PCDHA13: variants seen among roughly 807,000 people sequenced by gnomAD.
PCDHA13 encodes the protein protocadherin alpha 13, also known as protocadherin alpha-13.
PCDHA13 carries 54 observed loss-of-function variants against 64.8 expected under a neutral mutation model. That is an observed-to-expected ratio of 0.83 (90% CI 0.67 to 1.04). PCDHA13 has a LOEUF of 1.04. Among genes scored for constraint, PCDHA13 ranks in the 50% least tolerant of loss-of-function variants. The probability of loss-of-function intolerance (pLI) is 0.00; values close to 1 mark genes in which losing one functional copy is unlikely to be tolerated. For missense variants in PCDHA13, 1,248 were observed against 1,254.3 expected (o/e 0.99, Z 0.08); for synonymous variants, 587 against 564.4 (o/e 1.04, Z -0.57).
At chr5:141,004,698 T>C (rs2098177351) in intron 3 of PCDHA13, among the ~76,000 whole-genome samples, 1 of 152,222 alleles carries the variant, frequency 6.6e-6, no homozygotes, top group East Asian at 1.9e-4. Context: ...AACCCAGTTT[T>C]AGGTGCCGAA....
chr5:140,948,150 T>C (rs1477987526), intron 1 of PCDHA13, among the ~76,000 whole-genome samples: 2 of 151,642 alleles, frequency 1.3e-5, no homozygotes, highest in Non-Finnish European at 3.0e-5. Flanking sequence ...TTTTTGAATG[T>C]TGGAAAAAAC....
In PCDHA13 at chr5:140,927,058, C is replaced by G. The variant is rs376173105; in HGVS notation, c.2394+42396C>G. ...GGCCGCTATGTCCTCGCGGAACTTT[C>G]GCTTCCTTTCCAGCCACCGCGAGCT... On this transcript the variant is annotated intron_variant, in intron 1 of 3. Coordinates refer to ENST00000289272, the MANE Select transcript of PCDHA13 (RefSeq NM_018904.3). 17 of 1,611,136 alleles carry G rather than the reference C, an allele frequency of 1.1e-5. No homozygotes were observed. The South Asian group carries it at 1.2e-4, about 11-fold the overall frequency.
At chr5:140,940,667 T>A (rs1167360120) in intron 1 of PCDHA13, among the ~76,000 whole-genome samples, 5 of 152,224 alleles carry the variant, frequency 3.3e-5, no homozygotes, top group African/African-American at 1.2e-4. Context: ...TAAATCTTCA[T>A]CTGATAATTC....
chr5:140,937,322 C>T (rs2091472402), intron 1 of PCDHA13, among the ~76,000 whole-genome samples: 1 of 152,084 alleles, frequency 6.6e-6, no homozygotes, highest in Non-Finnish European at 1.5e-5. Context: ...CAGGCGTGAG[C>T]CACCGCGCCC....
chr5:140,897,946 T>G (rs1311278458), intron 1 of PCDHA13, among the ~76,000 whole-genome samples: 1 of 152,276 alleles, frequency 6.6e-6, no homozygotes, highest in African/African-American at 2.4e-5. Context: ...CCAGTGATGA[T>G]TAGCATTTTT....
rs2059340057 is a variant in PCDHA13 at position 140,882,864 on chromosome 5, C to T, written c.596C>T (p.Thr199Ile). The part of the protein sequence containing the change: ...MSSLSLVLRK[T>I]LDREEIQEHS... ...TCATTATCACTTGTACTGAGGAAAA[C>T]ACTGGACAGAGAGGAAATTCAGGAA... Residue 199 changes from threonine (T) to isoleucine (I), a missense_variant, in exon 1 of 4, where the codon ACA (threonine) becomes ATA (isoleucine). Thr to Ile is a moderately conservative substitution (Grantham distance 89). Transcript: ENST00000289272. The T allele has an allele frequency of 6.2e-7, 1 of 1,614,200 alleles. No individual in the cohort carries two copies. Among genetic ancestry groups the T allele is most frequent in the East Asian group, 2.2e-5 (1 of 44,882 alleles).
At chr5:140,891,681 C>T (rs1021117286) in intron 1 of PCDHA13, among the ~76,000 whole-genome samples, 1 of 152,150 alleles carries the variant, frequency 6.6e-6, no homozygotes, top group African/African-American at 2.4e-5. Flanking sequence ...TAATAATTCT[C>T]TCTTCTTGCT....
intron 3 of PCDHA13, among the ~76,000 whole-genome samples, chr5:141,008,980 A>C (rs533099581): frequency 6.6e-6 from 1 of 152,374 alleles, no homozygotes; most frequent in African/African-American, 2.4e-5. Context: ...GCCAAAGTTT[A>C]ATCTAGACAC....
chr5:140,985,465 A>T (rs1195143465), intron 3 of PCDHA13, among the ~76,000 whole-genome samples: 1 of 152,126 alleles, frequency 6.6e-6, no homozygotes, highest in Non-Finnish European at 1.5e-5. Flanking sequence ...TGCTCCAAAA[A>T]ATTTGGTTGT....
At chr5:140,922,150 T>C (rs999486530) in intron 1 of PCDHA13, among the ~76,000 whole-genome samples, 5 of 151,298 alleles carry the variant, frequency 3.3e-5, no homozygotes, top group African/African-American at 1.2e-4. Flanking sequence ...ATGAAACTCA[T>C]CAAAAACAAC....
intron 3 of PCDHA13, among the ~76,000 whole-genome samples, chr5:141,004,019 A>G (rs2098147783): frequency 6.6e-6 from 1 of 152,244 alleles, no homozygotes; most frequent in South Asian, 2.1e-4. Flanking sequence ...CACTGAAAGA[A>G]GAAACATTTC....
Position 140,883,641 on chromosome 5 carries a change from C to T in PCDHA13, c.1373C>T (p.Pro458Leu), listed in dbSNP as rs1427282306. The change falls in exon 1 of 4, where the codon CCC (proline) becomes CTC (leucine). Residue 458 changes from proline (P) to leucine (L), a missense_variant. By Grantham distance (98) the Pro-to-Leu change is moderately conservative. Coordinates refer to ENST00000289272, the MANE Select transcript of PCDHA13 (RefSeq NM_018904.3). ...GACAACGCGCCGGCGTTCGCGCAGC[C>T]CGAGTACACGGTGTTCGTGAAGGAA... is the stretch of plus-strand genomic sequence containing the variant. Reference protein sequence around the residue: ...VNDNAPAFAQPEYTVFVKENN... With the variant: ...VNDNAPAFAQLEYTVFVKENN... 3.7e-6 allele frequency: 6 copies of T among 1,613,840 alleles called. No homozygotes were observed. In the Admixed American group the frequency reaches 6.7e-5, roughly 18 times the overall value.
intron 1 of PCDHA13, among the ~76,000 whole-genome samples, chr5:140,921,468 C>T (rs886501347): frequency 3.3e-5 from 5 of 152,182 alleles, no homozygotes; most frequent in African/African-American, 1.2e-4. Flanking sequence ...GCAACCACTA[C>T]CAAACCACTC....
intron 1 of PCDHA13, among the ~76,000 whole-genome samples, chr5:140,936,711 A>G (rs2091105126): frequency 6.6e-6 from 1 of 152,212 alleles, no homozygotes; most frequent in African/African-American, 2.4e-5. Flanking sequence ...TCTTGTGCCA[A>G]TACATTCTGT....
At chr5:140,966,860 T>TTGC (rs148181752) in intron 1 of PCDHA13, 11 of 1,577,372 alleles carry the variant, frequency 7.0e-6, no homozygotes, top group Non-Finnish European at 9.4e-6. Flanking sequence ...CCTGCTGCTG[T>TTGC]TGCTGCTGCT....
At chr5:140,926,908 G>C (rs950305439) in intron 1 of PCDHA13, 2 of 1,560,316 alleles carry the variant, frequency 1.3e-6, no homozygotes, top group Admixed American at 1.8e-5. Flanking sequence ...GGGCTGTGGG[G>C]TGGCAGTTTT....
intron 1 of PCDHA13, among the ~76,000 whole-genome samples, chr5:140,943,822 A>T (rs2093570990): frequency 6.6e-6 from 1 of 152,220 alleles, no homozygotes; most frequent in Non-Finnish European, 1.5e-5. Context: ...GAAGAAAATG[A>T]GTTGATTGAA....
chr5:140,934,705 C>T (rs1235956763), intron 1 of PCDHA13, among the ~76,000 whole-genome samples: 8 of 152,132 alleles, frequency 5.3e-5, no homozygotes, highest in African/African-American at 1.9e-4. Flanking sequence ...TCCTGGCCAT[C>T]TTACAAAAAG....
In PCDHA13 at chr5:141,010,177, C is replaced by T; in HGVS notation, c.*240C>T. 3 of 1,556,196 alleles carry T rather than the reference C, an allele frequency of 1.9e-6. No homozygotes were observed. The highest frequency in any genetic ancestry group is 1.7e-4 in the Middle Eastern group (1 of 6,000). On this transcript the variant is annotated 3_prime_UTR_variant, in exon 4 of 4. Coordinates refer to ENST00000289272, the MANE Select transcript of PCDHA13 (RefSeq NM_018904.3). ...TGGCTTGTTTTCAGAACCTAAAAAG[C>T]AGACCCAAGTTTCCTTTCTCCTCCG... is the stretch of plus-strand genomic sequence containing the variant.
Sources: gnomAD v4.1 joint callset for allele counts (sites outside exome capture counted in the v4.1 genomes callset) on GRCh38, gnomAD v4.1.1 for gene constraint, MANE v1.5 for transcripts, NCBI Gene and HGNC (gene_info 2026-07-23, HGNC 2026-07-21) for gene names.